DNAH17: variants seen among roughly 807,000 people sequenced by gnomAD.
DNAH17 encodes the protein dynein axonemal heavy chain 17, also known as axonemal beta dynein heavy chain 17.
Under a neutral mutation model 485.6 loss-of-function variants are expected in DNAH17, and 376 were observed. That is an observed-to-expected ratio of 0.77 (90% CI 0.71 to 0.84). The LOEUF is 0.84. DNAH17 is among the 40% of genes least tolerant of loss of function. The pLI is 0.00. For missense variants in DNAH17, 6,370 were observed against 5,839.3 expected (o/e 1.09, Z -2.96); for synonymous variants, 3,031 against 2,405.9 (o/e 1.26, Z -7.60).
chr17:78,488,726 A>C (rs1352965364), intron 44 of DNAH17, among the ~76,000 whole-genome samples: 2 of 152,164 alleles, frequency 1.3e-5, no homozygotes, highest in East Asian at 3.9e-4. Context: ...AAGGATCTTG[A>C]GACAAGATCA....
chr17:78,486,614 C>A, intron 44 of DNAH17, 108 bp from the exon 45 acceptor site: 1 of 1,353,058 alleles, frequency 7.4e-7, no homozygotes. Context: ...GCTGGGGCTG[C>A]CCTCAGGGTC....
chr17:78,524,251 C>T (rs1348213377), intron 25 of DNAH17, among the ~76,000 whole-genome samples: 2 of 152,198 alleles, frequency 1.3e-5, no homozygotes, highest in Non-Finnish European at 2.9e-5. Flanking sequence ...AATTCTTCTA[C>T]CTCAGCTTCC....
At position 78,424,061 on chromosome 17, in the gene DNAH17, G is replaced by C; in HGVS notation, c.13234C>G (p.Pro4412Ala). 1 of 1,614,042 alleles carries C rather than the reference G, an allele frequency of 6.2e-7. No individual in the cohort carries two copies. Among genetic ancestry groups the C allele is most frequent in the East Asian group, 2.2e-5 (1 of 44,892 alleles). ...AMPVIFIKAI[P>A]VDRMETKNIY... The stretch of plus-strand genomic sequence containing the variant: ...TTCTTGGTCTCCATGCGGTCCACAG[G>C]AATGGCCTTGATGAAGATGACAGGC... Residue 4412 changes from proline to alanine, a missense_variant, in exon 81 of 81, where the codon CCT becomes GCT. By Grantham distance (27) the Pro-to-Ala change is conservative. Transcript: ENST00000389840.
chr17:78,431,354 C>G (rs958933807), intron 75 of DNAH17, among the ~76,000 whole-genome samples: 1 of 152,116 alleles, frequency 6.6e-6, no homozygotes, highest in Non-Finnish European at 1.5e-5. Flanking sequence ...CTGTGCCCCT[C>G]TCCCCCTCCT....
chr17:78,557,770 C>T (rs1372164986), intron 14 of DNAH17, among the ~76,000 whole-genome samples: 1 of 150,148 alleles, frequency 6.7e-6, no homozygotes, highest in South Asian at 2.1e-4. Context: ...TGGCTTGAAC[C>T]ATGTCTAAAT....
chr17:78,576,271 A>G (rs539815937), intron 1 of DNAH17, among the ~76,000 whole-genome samples: 14 of 152,210 alleles, frequency 9.2e-5, no homozygotes, highest in Non-Finnish European at 1.6e-4. Context: ...TGGCCACTAT[A>G]TATCGGCAAA....
chr17:78,526,931 T>C lies in DNAH17; in HGVS notation c.3573A>G (p.Pro1191=). ...GGATGCTGACCTCGTTGGCCTGGAGTGGTGCCACGGTCAGCTTCACCTGAA... is the reference window on the plus strand; with the variant it reads ...GGATGCTGACCTCGTTGGCCTGGAGCGGTGCCACGGTCAGCTTCACCTGAA... ...LAIQVKLTVA[P]LQANEVSILR... Residue 1191 remains proline (P), a synonymous_variant, in exon 23 of 81, where the codon CCA becomes CCG. Transcript: ENST00000389840. 2 of 1,587,748 alleles carry C rather than the reference T, an allele frequency of 1.3e-6. No individual in the cohort carries two copies. Among genetic ancestry groups the C allele is most frequent in the African/African-American group, 1.3e-5 (1 of 74,526 alleles).
At position 78,537,187 on chromosome 17, in the gene DNAH17, A is replaced by AAAAAG. The variant is rs111781371; in HGVS notation, c.2859+111_2859+112insCTTTT. The AAAAAG allele has an allele frequency of 0.054, 56,777 of 1,045,948 alleles. 214 individuals are homozygous for AAAAAG. Among genetic ancestry groups the AAAAAG allele is most frequent in the African/African-American group, 0.086 (5,024 of 58,564 alleles). 64.8% of individuals were successfully genotyped at this position (1,045,948 alleles called of 1,614,324 possible). A position where few individuals can be genotyped will look rare whatever the true frequency, so the allele number is the denominator to read the frequency against. ...AGTGAGATTCCGTCTCAAAAAAAAAAAAAGAAAAAAAGAAAAGGTAAACGG... is the reference window on the plus strand; with the variant it reads ...AGTGAGATTCCGTCTCAAAAAAAAAAAAAAGAAAGAAAAAAAGAAAAGGTAAACGG... On this transcript the variant is annotated intron_variant, in intron 19 of 80. Transcript: ENST00000389840.
At chr17:78,526,607 G>C in intron 24 of DNAH17, 44 bp downstream of exon 24, 3 of 1,487,200 alleles carry the variant, frequency 2.0e-6, no homozygotes, top group African/African-American at 1.4e-5. Context: ...AAAGCAGTGG[G>C]GTTCCCAGAC....
chr17:78,539,981 C>G, intron 17 of DNAH17, 101 bp from the exon 18 acceptor site: 1 of 1,237,836 alleles, frequency 8.1e-7, no homozygotes, highest in Non-Finnish European at 1.1e-6. Flanking sequence ...CATGTTCACA[C>G]GCCGGACACA....
chr17:78,561,293 C>A (rs528733007), intron 12 of DNAH17, among the ~76,000 whole-genome samples: 1 of 151,754 alleles, frequency 6.6e-6, no homozygotes, highest in Non-Finnish European at 1.5e-5. Flanking sequence ...ACATAAAAGG[C>A]CCCCCTCCTA....
intron 26 of DNAH17, among the ~76,000 whole-genome samples, chr17:78,513,202 T>G (rs1336452443): frequency 4.6e-5 from 7 of 152,218 alleles, no homozygotes; most frequent in East Asian, 1.9e-4. Flanking sequence ...CCCCCCTCCC[T>G]TTGGGATTCA....
At chr17:78,523,813 G>A (rs1428286314) in intron 25 of DNAH17, among the ~76,000 whole-genome samples, 1 of 152,260 alleles carries the variant, frequency 6.6e-6, no homozygotes, top group Non-Finnish European at 1.5e-5. Flanking sequence ...AGGCTGAGAG[G>A]CAGGAGGATT....
intron 26 of DNAH17, among the ~76,000 whole-genome samples, chr17:78,514,503 C>CAAAAAAAAAA (rs79884057): frequency 1.7e-4 from 19 of 112,092 alleles, no homozygotes; most frequent in African/African-American, 5.4e-4. Flanking sequence ...GACTCCGTCT[C>CAAAAAAAAAA]AAAAAAAAAA....
Position 78,479,091 on chromosome 17 carries a change from T to G in DNAH17, c.7926A>C (p.Thr2642=), listed in dbSNP as rs554248338. 1 of 1,613,896 alleles carries G rather than the reference T, an allele frequency of 6.2e-7. No homozygotes were observed. The highest frequency in any genetic ancestry group is 1.3e-5 in the African/African-American group (1 of 75,006). Residue 2642 remains threonine, a synonymous_variant, in exon 51 of 81, where the codon ACA becomes ACC. Coordinates refer to ENST00000389840, the MANE Select transcript of DNAH17 (RefSeq NM_173628.4). ...ALALHQKITA[T]FLPTAIKFHY... ...GAAACTTAATGGCCGTGGGAAGAAA[T>G]GTTGCCGTGATTTTCTGATGCAAAG...
In DNAH17 at chr17:78,462,671, T is replaced by C. The variant is rs74929502; in HGVS notation, c.9174+173A>G. On this transcript the variant is annotated intron_variant, in intron 57 of 80. Transcript: ENST00000389840. ...AGTCTGTTTTTTGTTACGACAAGTA[T>C]ACTAACTCTGGCCTAGGAGTAAATG... Among the ~76,000 whole-genome samples the C allele has an allele frequency of 5.9e-5, 9 of 152,318 alleles. No homozygotes were observed. The East Asian group carries it at 1.5e-3, about 26-fold the overall frequency.
At chr17:78,494,536 A>C in intron 40 of DNAH17, 57 bp downstream of exon 40, 1 of 1,551,100 alleles carries the variant, frequency 6.4e-7, no homozygotes, top group Non-Finnish European at 8.9e-7. Context: ...ATCAGTGGGA[A>C]GGAAGCCCCA....
chr17:78,545,703 C>G (rs7223769), intron 16 of DNAH17, among the ~76,000 whole-genome samples: 1 of 152,048 alleles, frequency 6.6e-6, no homozygotes, highest in African/African-American at 2.4e-5. Flanking sequence ...TATAATAATG[C>G]TGTGTTAGCC....
At chr17:78,546,943 C>A (rs1256047854) in intron 16 of DNAH17, among the ~76,000 whole-genome samples, 1 of 151,930 alleles carries the variant, frequency 6.6e-6, no homozygotes, top group Non-Finnish European at 1.5e-5. Context: ...TTCTCATTAT[C>A]CACGTTTAGG....
Sources: gnomAD v4.1 joint callset for allele counts (sites outside exome capture counted in the v4.1 genomes callset) on GRCh38, gnomAD v4.1.1 for gene constraint, MANE v1.5 for transcripts, NCBI Gene and HGNC (gene_info 2026-07-23, HGNC 2026-07-21) for gene names.